Variants in ABCA13 observed in about 807,000 individuals in gnomAD.
ABCA13 encodes the protein ATP-binding cassette sub-family A member 13.
In ABCA13, 476 loss-of-function variants were observed where a neutral mutation model predicts 478.7. The observed-to-expected ratio is 0.99, with a 90% confidence interval of 0.92 to 1.07. The LOEUF is 1.07. Ranked by LOEUF, ABCA13 falls within the 50% of genes least tolerant of loss-of-function variation. The probability of loss-of-function intolerance (pLI) is 0.00; values close to 1 mark genes in which losing one functional copy is unlikely to be tolerated. For missense variants in ABCA13, 6,060 were observed against 5,910.6 expected (o/e 1.03, Z -0.83); for synonymous variants, 2,252 against 2,158.9 (o/e 1.04, Z -1.20).
At chr7:48,432,862 A>G (rs560749962) in intron 42 of ABCA13, among the ~76,000 whole-genome samples, 2 of 152,168 alleles carry the variant, frequency 1.3e-5, no homozygotes, top group Non-Finnish European at 2.9e-5. Flanking sequence ...ACAATATTTC[A>G]GTTATATAGG....
chr7:48,211,510 T>C (rs1186231673), intron 3 of ABCA13, among the ~76,000 whole-genome samples: 1 of 152,110 alleles, frequency 6.6e-6, no homozygotes, highest in East Asian at 1.9e-4. Context: ...CTGCCTGGAA[T>C]TGGGGGAGGG....
intron 55 of ABCA13, among the ~76,000 whole-genome samples, chr7:48,578,524 A>G (rs1788406218): frequency 1.3e-5 from 2 of 152,210 alleles, no homozygotes; most frequent in African/African-American, 2.4e-5. Context: ...TTATGTGAGG[A>G]AAACTACAAA....
chr7:48,501,422 A>G (rs570938132), intron 48 of ABCA13, among the ~76,000 whole-genome samples: 3 of 152,300 alleles, frequency 2.0e-5, no homozygotes, highest in South Asian at 2.1e-4. Context: ...AGAGCGCCCC[A>G]TGAGAGGAAC....
chr7:48,303,122 T>C (rs1220459502), intron 23 of ABCA13, among the ~76,000 whole-genome samples: 1 of 152,206 alleles, frequency 6.6e-6, no homozygotes, highest in African/African-American at 2.4e-5. Context: ...GCTTGTTGGC[T>C]GCATGTATGT....
chr7:48,644,899 T>A lies in ABCA13; in HGVS notation c.15081+145T>A, dbSNP rs1474863526. The A allele has an allele frequency of 5.9e-5, 54 of 921,960 alleles. 1 individual carries two copies. Among genetic ancestry groups the A allele is most frequent in the Non-Finnish European group, 8.0e-5 (52 of 647,048 alleles). The allele number at this position is 921,960 out of a possible 1,614,324, so 57.1% of individuals were successfully genotyped here. A position where few individuals can be genotyped will look rare whatever the true frequency, so the allele number is the denominator to read the frequency against. On this transcript the variant is annotated intron_variant, in intron 61 of 61. Transcript: ENST00000435803. ...AAATTTTATAAAATTATGATAAGGA[T>A]GGTGAGTGTCAGAAAGTTTGTTTAC...
intron 36 of ABCA13, 64 bp downstream of exon 36, chr7:48,388,023 TG>T (rs1390876190): frequency 1.8e-5 from 28 of 1,546,564 alleles, no homozygotes; most frequent in Non-Finnish European, 2.5e-5. Flanking sequence ...GATTTTTTTT[TG>T]TTTGTTTTTA....
Position 48,466,968 on chromosome 7 carries a change from C to G in ABCA13, c.12828C>G (p.Asp4276Glu), listed in dbSNP as rs377490731. 2 of 1,613,934 alleles carry G rather than the reference C, an allele frequency of 1.2e-6. No individual in the cohort carries two copies. Among genetic ancestry groups the G allele is most frequent in the South Asian group, 2.2e-5 (2 of 91,074 alleles). Reference sequence around the variant, plus strand: ...CAATGAACAGCAGCAGTGGGGGCGACAACTTGGACCTCACCCGTGTGCTTC... The same window carrying G: ...CAATGAACAGCAGCAGTGGGGGCGAGAACTTGGACCTCACCCGTGTGCTTC... ...AETYFFSSGG[D>E]NLDLTRVLLR... is the part of the protein sequence containing the mutation. Residue 4276 changes from aspartate (D) to glutamate (E), a missense_variant, in exon 44 of 62, where the codon GAC (aspartate) becomes GAG (glutamate). Physicochemically the swap from Asp to Glu is conservative, Grantham distance 45 (BLOSUM62 2). Coordinates refer to ENST00000435803, the MANE Select transcript of ABCA13 (RefSeq NM_152701.5).
At chr7:48,305,054 T>G (rs1189852649) in intron 23 of ABCA13, among the ~76,000 whole-genome samples, 1 of 152,262 alleles carries the variant, frequency 6.6e-6, no homozygotes. Flanking sequence ...ACTGTGCTTT[T>G]GCTGGCAGTG....
intron 1 of ABCA13, among the ~76,000 whole-genome samples, chr7:48,187,907 T>G (rs944933532): frequency 6.6e-6 from 1 of 152,196 alleles, no homozygotes; most frequent in Non-Finnish European, 1.5e-5. Flanking sequence ...TTCTTTTTCT[T>G]TTTCTGTTGG....
At chr7:48,185,107 T>A (rs1772587038) in intron 1 of ABCA13, among the ~76,000 whole-genome samples, 1 of 152,168 alleles carries the variant, frequency 6.6e-6, no homozygotes, top group African/African-American at 2.4e-5. Flanking sequence ...GACAAAGACC[T>A]AATCTATCCC....
intron 58 of ABCA13, among the ~76,000 whole-genome samples, chr7:48,595,514 G>T (rs185944288): frequency 2.1e-3 from 319 of 152,306 alleles, no homozygotes; most frequent in Admixed American, 3.9e-3. Context: ...TTGCCCTTTT[G>T]CAAGCTAACA....
At chr7:48,264,500 A>G (rs1426004284) in intron 15 of ABCA13, among the ~76,000 whole-genome samples, 1 of 151,790 alleles carries the variant, frequency 6.6e-6, no homozygotes, top group Non-Finnish European at 1.5e-5. Context: ...GTTGTATGCT[A>G]TTATGGATTT....
intron 53 of ABCA13, among the ~76,000 whole-genome samples, chr7:48,523,580 A>G (rs1198429631): frequency 6.6e-6 from 1 of 151,826 alleles, no homozygotes; most frequent in Non-Finnish European, 1.5e-5. Context: ...TATATTTTAA[A>G]TGATTAAATA....
chr7:48,528,950 A>G (rs886898611), intron 55 of ABCA13, among the ~76,000 whole-genome samples: 2 of 152,172 alleles, frequency 1.3e-5, no homozygotes, highest in Non-Finnish European at 2.9e-5. Context: ...TCTGTGGGTA[A>G]CATACACTCA....
intron 59 of ABCA13, among the ~76,000 whole-genome samples, chr7:48,641,611 A>G (rs1293337280): frequency 6.6e-6 from 1 of 152,212 alleles, no homozygotes. Context: ...TCAGTAGTGC[A>G]AACACTACAT....
At chr7:48,512,052 T>C (rs760665148) in intron 51 of ABCA13, among the ~76,000 whole-genome samples, 2 of 151,386 alleles carry the variant, frequency 1.3e-5, no homozygotes, top group African/African-American at 4.9e-5. Flanking sequence ...GATGGAAGTA[T>C]GTAGATAAGA....
At chr7:48,260,480 A>G (rs545008082) in intron 15 of ABCA13, among the ~76,000 whole-genome samples, 1 of 152,166 alleles carries the variant, frequency 6.6e-6, no homozygotes, top group African/African-American at 2.4e-5. Flanking sequence ...TGTTAATTCA[A>G]TGCGCAGGTT....
chr7:48,493,309 A>G (rs1830003709), intron 48 of ABCA13, among the ~76,000 whole-genome samples: 1 of 152,200 alleles, frequency 6.6e-6, no homozygotes, highest in South Asian at 2.1e-4. Context: ...ATAAAGATAA[A>G]TATGCAGCAA....
rs1294255853 is a variant in ABCA13, at chr7:48,367,903, G to A, written c.10798G>A (p.Glu3600Lys). The change falls in exon 32 of 62, where the codon GAA (glutamate) becomes AAA (lysine). Residue 3600 changes from glutamate (E) to lysine (K), a missense_variant. Glu to Lys is a moderately conservative substitution (Grantham distance 56). Transcript: ENST00000435803. ...GGTGTATGAGCAGGAGATACAGATAGAAGAGGTAAATATCCTTAAACCTTG... is the reference window on the plus strand; with the variant it reads ...GGTGTATGAGCAGGAGATACAGATAAAAGAGGTAAATATCCTTAAACCTTG... Reference protein sequence around the residue: ...KLVYEQEIQIEEYMRMMGVHP... With the variant: ...KLVYEQEIQIKEYMRMMGVHP... The A allele has an allele frequency of 2.6e-6, 4 of 1,566,148 alleles. No homozygotes were observed. The highest frequency in any genetic ancestry group is 2.7e-5 in the African/African-American group (2 of 73,880).
Sources: gnomAD v4.1 joint callset for allele counts (sites outside exome capture counted in the v4.1 genomes callset) on GRCh38, gnomAD v4.1.1 for gene constraint, MANE v1.5 for transcripts, NCBI Gene and HGNC (gene_info 2026-07-23, HGNC 2026-07-21) for gene names.